The following PTPRD variants were observed in gnomAD, a reference collection of about 807,000 sequenced individuals.
PTPRD encodes the protein protein tyrosine phosphatase receptor type D.
PTPRD carries 34 observed loss-of-function variants against 214.5 expected under a neutral mutation model. The observed-to-expected ratio is 0.16, with a 90% confidence interval of 0.12 to 0.21. The LOEUF (loss-of-function observed/expected upper bound fraction) is 0.21, where lower values mean the gene tolerates loss of function less well. Ranked by LOEUF, PTPRD falls within the 10% of genes least tolerant of loss-of-function variation. The pLI is 1.00. For synonymous variants in PTPRD, 1,128 were observed against 845.7 expected (o/e 1.33, Z -5.79); for missense variants, 2,545 against 2,398.7 (o/e 1.06, Z -1.27).
At chr9:9,905,505 T>C (rs1351681196) in intron 5 of PTPRD, among the ~76,000 whole-genome samples, 3 of 151,954 alleles carry the variant, frequency 2.0e-5, no homozygotes, top group Non-Finnish European at 4.4e-5. Flanking sequence ...ATACTAGTTA[T>C]CAAGCCAGTC....
At chr9:9,492,287 C>A (rs1179544092) in intron 8 of PTPRD, among the ~76,000 whole-genome samples, 1 of 149,058 alleles carries the variant, frequency 6.7e-6, no homozygotes, top group Non-Finnish European at 1.5e-5. Flanking sequence ...TATATAAAAA[C>A]CCTGGACCTG....
intron 14 of PTPRD, among the ~76,000 whole-genome samples, chr9:8,567,712 C>T (rs1309064380): frequency 6.6e-6 from 1 of 152,044 alleles, no homozygotes; most frequent in East Asian, 1.9e-4. Flanking sequence ...TTTTTAAATG[C>T]CTCAATGAAT....
intron 36 of PTPRD, among the ~76,000 whole-genome samples, chr9:8,397,240 C>A (rs1439188307): frequency 1.3e-5 from 2 of 151,892 alleles, no homozygotes; most frequent in Non-Finnish European, 2.9e-5. Flanking sequence ...TCACTAGTGA[C>A]TGGGAAAGAG....
At chr9:9,148,160 G>A (rs2099871805) in intron 10 of PTPRD, among the ~76,000 whole-genome samples, 1 of 152,080 alleles carries the variant, frequency 6.6e-6, no homozygotes, top group Admixed American at 6.6e-5. Context: ...TTTGTTTCCA[G>A]AGAGAAAGTT....
chr9:8,708,125 G>A (rs572167084), intron 12 of PTPRD, among the ~76,000 whole-genome samples: 23 of 152,294 alleles, frequency 1.5e-4, no homozygotes, highest in African/African-American at 4.6e-4. Context: ...TGGATGCCGT[G>A]TATAAAATTT....
rs187646376 is a variant in PTPRD at position 9,363,973 on chromosome 9, C to G, written c.-203+33476G>C. Among the ~76,000 whole-genome samples the G allele has an allele frequency of 2.6e-3, 393 of 151,488 alleles. 1 individual carries two copies. The highest frequency in any genetic ancestry group is 9.1e-3 in the African/African-American group (379 of 41,436). ...CATTATATCCCCACACTGTCTGACA[C>G]ACGGCATTTTATGGTATTAGTTGAA... is the stretch of plus-strand genomic sequence containing the variant. On this transcript the variant is annotated intron_variant, in intron 9 of 45. Coordinates refer to ENST00000381196, the MANE Select transcript of PTPRD (RefSeq NM_002839.4).
intron 9 of PTPRD, among the ~76,000 whole-genome samples, chr9:9,378,575 T>A (rs778399287): frequency 1.3e-5 from 2 of 152,172 alleles, no homozygotes; most frequent in Non-Finnish European, 2.9e-5. Context: ...ATGTGTAGTT[T>A]TGTAAGAAAC....
At chr9:8,887,802 G>T (rs1391116581) in intron 11 of PTPRD, among the ~76,000 whole-genome samples, 1 of 152,028 alleles carries the variant, frequency 6.6e-6, no homozygotes, top group Non-Finnish European at 1.5e-5. Flanking sequence ...TAAAACTTTA[G>T]AATACACAGA....
chr9:10,190,611 G>A (rs545013813), intron 3 of PTPRD, among the ~76,000 whole-genome samples: 3 of 149,932 alleles, frequency 2.0e-5, no homozygotes, highest in South Asian at 2.1e-4. Context: ...CCAACTGCTC[G>A]GGAGGCTGAG....
intron 8 of PTPRD, among the ~76,000 whole-genome samples, chr9:9,500,760 T>C (rs1013460457): frequency 6.6e-6 from 1 of 152,108 alleles, no homozygotes; most frequent in Admixed American, 6.6e-5. Context: ...ATTCTCTTAG[T>C]TTCTTAAAAG....
intron 5 of PTPRD, among the ~76,000 whole-genome samples, chr9:9,791,862 A>G (rs1475545295): frequency 6.6e-6 from 1 of 152,178 alleles, no homozygotes; most frequent in Non-Finnish European, 1.5e-5. Context: ...TCTTCTGGTT[A>G]TCTTGTAAGA....
At chr9:9,059,892 G>C (rs2099703952) in intron 10 of PTPRD, among the ~76,000 whole-genome samples, 2 of 151,988 alleles carry the variant, frequency 1.3e-5, no homozygotes, top group African/African-American at 4.8e-5. Flanking sequence ...ATTTTGAAGA[G>C]AAACAGAATA....
chr9:9,034,935 G>A (rs2099616781), intron 10 of PTPRD, among the ~76,000 whole-genome samples: 1 of 152,120 alleles, frequency 6.6e-6, no homozygotes, highest in Non-Finnish European at 1.5e-5. Flanking sequence ...AGTGCCTGGT[G>A]CAGTCTGAAA....
chr9:9,923,818 GC>G (rs1413633365), intron 5 of PTPRD, among the ~76,000 whole-genome samples: 1 of 151,868 alleles, frequency 6.6e-6, no homozygotes, highest in Non-Finnish European at 1.5e-5. Flanking sequence ...TTGTACTTCT[GC>G]AAATATGAGG....
intron 7 of PTPRD, among the ~76,000 whole-genome samples, chr9:9,618,943 C>T (rs1226575976): frequency 2.0e-5 from 3 of 151,728 alleles, no homozygotes; most frequent in African/African-American, 7.3e-5. Flanking sequence ...ATAAATGTCC[C>T]AAGACATAGG....
chr9:10,026,593 A>C (rs1040604345), intron 4 of PTPRD, among the ~76,000 whole-genome samples: 5 of 152,188 alleles, frequency 3.3e-5, no homozygotes, highest in African/African-American at 1.2e-4. Context: ...GAGCAGTCAC[A>C]GTACAGTTAC....
At chr9:8,680,521 G>A (rs1432104543) in intron 12 of PTPRD, among the ~76,000 whole-genome samples, 1 of 152,048 alleles carries the variant, frequency 6.6e-6, no homozygotes, top group Non-Finnish European at 1.5e-5. Flanking sequence ...TCAGAACCTA[G>A]TAAATTCAAT....
At chr9:10,576,682 G>A (rs1272813495) in intron 2 of PTPRD, among the ~76,000 whole-genome samples, 2 of 151,938 alleles carry the variant, frequency 1.3e-5, no homozygotes, top group Non-Finnish European at 2.9e-5. Context: ...ATAAAAAATA[G>A]AACCAGTGTC....
intron 5 of PTPRD, among the ~76,000 whole-genome samples, chr9:9,938,165 G>A (rs2090227897): frequency 6.6e-6 from 1 of 152,028 alleles, no homozygotes; most frequent in Non-Finnish European, 1.5e-5. Context: ...GATAACTCTG[G>A]TTTCCCACTC....
Sources: gnomAD v4.1 joint callset for allele counts (sites outside exome capture counted in the v4.1 genomes callset) on GRCh38, gnomAD v4.1.1 for gene constraint, MANE v1.5 for transcripts, NCBI Gene and HGNC (gene_info 2026-07-23, HGNC 2026-07-21) for gene names.